The following ZNF426 variants were observed in gnomAD, a reference collection of about 807,000 sequenced individuals.
The protein encoded by ZNF426 is zinc finger protein 426.
ZNF426 carries 23 observed loss-of-function variants against 24.0 expected under a neutral mutation model. The ratio of observed to expected loss-of-function variants is 0.96; its 90% confidence interval spans 0.69 to 1.36. The LOEUF is 1.36. Ranked by LOEUF, ZNF426 falls within the 40% of genes most tolerant of loss-of-function variation. The probability of loss-of-function intolerance (pLI) is 0.00; values close to 1 mark genes in which losing one functional copy is unlikely to be tolerated. For synonymous variants in ZNF426, 272 were observed against 224.6 expected (o/e 1.21, Z -1.89); for missense variants, 646 against 658.4 (o/e 0.98, Z 0.21).
chr19:9,533,623 G>A (rs1433044295), intron 5 of ZNF426, among the ~76,000 whole-genome samples: 1 of 152,202 alleles, frequency 6.6e-6, no homozygotes, highest in Non-Finnish European at 1.5e-5. Context: ...TCTGGGTGGA[G>A]AAGGAAAATG....
rs1468862952 is a variant in ZNF426 at position 9,536,203 on chromosome 19, C to A, written c.25+5G>T. Reference sequence around the variant, plus strand: ...GGATATCCTAAAAAGAGCAACAGAGCTTACCATGGGACAAATCAGCAGCTG... The same window carrying A: ...GGATATCCTAAAAAGAGCAACAGAGATTACCATGGGACAAATCAGCAGCTG... On this transcript the variant is annotated splice_donor_5th_base_variant and intron_variant, in intron 3 of 7. Coordinates refer to ENST00000253115, the MANE Select transcript of ZNF426 (RefSeq NM_024106.3). 2 of 1,614,160 alleles carry A rather than the reference C, an allele frequency of 1.2e-6. No individual in the cohort carries two copies. Among genetic ancestry groups the A allele is most frequent in the East Asian group, 4.5e-5 (2 of 44,880 alleles).
In ZNF426 at chr19:9,524,762, C is replaced by T. The variant is rs1356191786; in HGVS notation, c.*3618G>A. The stretch of plus-strand genomic sequence containing the variant: ...AGCCATTGCACTCCAGCCTGGGCAA[C>T]AAGAGCAAAACTCTGCCTCAAAAAA... On this transcript the variant is annotated 3_prime_UTR_variant, in exon 8 of 8. Coordinates refer to ENST00000253115, the MANE Select transcript of ZNF426 (RefSeq NM_024106.3). The T allele has an allele frequency of 3.4e-5, 2 of 58,996 alleles. No individual in the cohort carries two copies. Among genetic ancestry groups the T allele is most frequent in the African/African-American group, 9.8e-5 (2 of 20,448 alleles). The allele number at this position is 58,996 out of a possible 1,614,324, so 3.7% of individuals were successfully genotyped here. A position where few individuals can be genotyped will look rare whatever the true frequency, so the allele number is the denominator to read the frequency against.
chr19:9,536,703 C>CCG, intron 2 of ZNF426: 3 of 208,914 alleles, frequency 1.4e-5, no homozygotes, highest in Admixed American at 1.1e-4. Flanking sequence ...ACACTCAAAT[C>CCG]AAATCTGCAT....
rs1174819672 is a variant in ZNF426 at position 9,536,348 on chromosome 19, T to C, written c.-116A>G. ...CTCCATTCCTCTTTAAACAGGGTTA[T>C]TGGGATTCCTGTTGGTATTAATCAA... On this transcript the variant is annotated 5_prime_UTR_variant, in exon 3 of 8. Transcript: ENST00000253115. 1.3e-6 allele frequency: 2 copies of C among 1,599,648 alleles called. No individual in the cohort carries two copies. The highest frequency in any genetic ancestry group is 1.3e-5 in the African/African-American group (1 of 74,750).
Position 9,533,964 on chromosome 19 carries a change from A to C in ZNF426, c.120T>G (p.Asp40Glu). The change falls in exon 5 of 8, where the codon GAT becomes GAG. Residue 40 changes from aspartate to glutamate, a missense_variant and splice_region_variant. By Grantham distance (45) the Asp-to-Glu change is conservative (BLOSUM62 2). Transcript: ENST00000253115. ...CAGCCACATCGTCAAAGGTCACTGA[A>C]TCCTAAAGCATCACACACATGCTGG... ...VADCLTDCYQ[D>E]SVTFDDVAVD... The C allele has an allele frequency of 1.9e-6, 3 of 1,612,928 alleles. No individual in the cohort carries two copies. The highest frequency in any genetic ancestry group is 2.5e-6 in the Non-Finnish European group (3 of 1,179,546).
Position 9,537,407 on chromosome 19 carries a change from C to T in ZNF426, c.-125+852G>A, listed in dbSNP as rs577190833. On this transcript the variant is annotated intron_variant, in intron 2 of 7. Coordinates refer to ENST00000253115, the MANE Select transcript of ZNF426 (RefSeq NM_024106.3). ...CTAGGGGTCCTAGGGCTGACTAGGCCCACAAATATTCAGTTTGGTGGCATC... is the reference window on the plus strand; with the variant it reads ...CTAGGGGTCCTAGGGCTGACTAGGCTCACAAATATTCAGTTTGGTGGCATC... Among the ~76,000 whole-genome samples, 23 of 151,884 alleles carry T rather than the reference C, an allele frequency of 1.5e-4. 1 individual carries two copies. The South Asian group carries it at 4.6e-3, about 30-fold the overall frequency.
rs1485260626 is a variant in ZNF426, at chr19:9,524,256, T to C, written c.*4124A>G. The C allele has an allele frequency of 1.3e-5, 2 of 152,314 alleles. No homozygotes were observed. Among genetic ancestry groups the C allele is most frequent in the East Asian group, 1.9e-4 (1 of 5,184 alleles). The allele number at this position is 152,314 out of a possible 1,614,324, so 9.4% of individuals were successfully genotyped here. A position where few individuals can be genotyped will look rare whatever the true frequency, so the allele number is the denominator to read the frequency against. ...TATGGATTAAATGAAGCCTTTCCCA[T>C]ATTTTCCATTTACATAGGGTTTCCT... On this transcript the variant is annotated 3_prime_UTR_variant, in exon 8 of 8. Transcript: ENST00000253115.
At chr19:9,534,083 C>T (rs1191403353) in intron 4 of ZNF426, 117 bp from the exon 5 acceptor site, 5 of 1,434,642 alleles carry the variant, frequency 3.5e-6, no homozygotes, top group Non-Finnish European at 4.7e-6. Context: ...CAGTGACCAG[C>T]CCCAGGTTTT....
At position 9,525,839 on chromosome 19, in the gene ZNF426, G is replaced by A. The variant is rs1037479283; in HGVS notation, c.*2541C>T. 4 of 151,826 alleles carry A rather than the reference G, an allele frequency of 2.6e-5. No individual in the cohort carries two copies. Among genetic ancestry groups the A allele is most frequent in the African/African-American group, 9.7e-5 (4 of 41,278 alleles). 9.4% of individuals were successfully genotyped at this position (151,826 alleles called of 1,614,324 possible). ...ACAGTGTCTCACTGTTTCCCAGGCT[G>A]GAGTGCAGTATCACAATCTCGGCTC... On this transcript the variant is annotated 3_prime_UTR_variant, in exon 8 of 8. Transcript: ENST00000253115.
Position 9,531,068 on chromosome 19 carries a change from C to T in ZNF426, c.326-1G>A, listed in dbSNP as rs1426277723. On this transcript the variant is annotated splice_acceptor_variant, in intron 6 of 7. Coordinates refer to ENST00000253115, the MANE Select transcript of ZNF426 (RefSeq NM_024106.3). LOFTEE classifies it high-confidence loss of function. ...TGGGTTTCAAGTCGCATTTCCCATC[C>T]TGAAATAAAACAGACAAACAAATAA... The T allele has an allele frequency of 3.7e-6, 6 of 1,613,288 alleles. No homozygotes were observed. Among genetic ancestry groups the T allele is most frequent in the Non-Finnish European group, 4.2e-6 (5 of 1,179,368 alleles).
chr19:9,532,338 C>T (rs1418186353), intron 6 of ZNF426, among the ~76,000 whole-genome samples: 3 of 148,254 alleles, frequency 2.0e-5, no homozygotes, highest in Non-Finnish European at 3.0e-5. Flanking sequence ...ACTCTATCAC[C>T]CAGGCTGGAG....
At chr19:9,536,414 T>C (rs753878186) in intron 2 of ZNF426, 58 bp from the exon 3 acceptor site, 14 of 1,477,390 alleles carry the variant, frequency 9.5e-6, no homozygotes, top group African/African-American at 4.2e-5. Context: ...ATCAAACATA[T>C]ACACCGGCTG....
At position 9,529,172 on chromosome 19, in the gene ZNF426, G is replaced by T. The variant is rs202102357; in HGVS notation, c.873C>A (p.Tyr291Ter). 7 of 1,614,164 alleles carry T rather than the reference G, an allele frequency of 4.3e-6. No individual in the cohort carries two copies. The highest frequency in any genetic ancestry group is 5.9e-6 in the Non-Finnish European group (7 of 1,180,030). The change falls in exon 8 of 8, where the codon TAC (tyrosine) becomes TAA (stop). Residue 291 changes from tyrosine to a stop codon, truncating the protein, a stop_gained. Transcript: ENST00000253115. LOFTEE classifies it low-confidence loss of function (END_TRUNC). ...GCATGTGAATACTGAGGTAGGCTGG[G>T]TATCTATAGCCTTTTCCACATTCCT... is the stretch of plus-strand genomic sequence containing the variant. ...KCKECGKGYR[Y>*]PAYLSIHMRT...
Position 9,536,269 on chromosome 19 carries a change from T to C in ZNF426, c.-37A>G, listed in dbSNP as rs757063397. The C allele has an allele frequency of 9.3e-6, 15 of 1,614,106 alleles. No individual in the cohort carries two copies. The highest frequency in any genetic ancestry group is 6.7e-5 in the East Asian group (3 of 44,902). ...AGAACGTGTCAGAACCCTCCTTTCA[T>C]TGATGTCACCATCACTTCAGGACAC... On this transcript the variant is annotated 5_prime_UTR_variant, in exon 3 of 8. An upstream start codon of the reference 5' UTR is lost. Coordinates refer to ENST00000253115, the MANE Select transcript of ZNF426 (RefSeq NM_024106.3).
intron 3 of ZNF426, 78 bp from the exon 4 acceptor site, chr19:9,535,357 T>C: frequency 1.0e-6 from 1 of 995,686 alleles, no homozygotes. Flanking sequence ...CATTACCTCC[T>C]AGTATGAAAT....
At chr19:9,535,125 G>A (rs2073945710) in intron 4 of ZNF426, 63 bp downstream of exon 4, 1 of 1,267,616 alleles carries the variant, frequency 7.9e-7, no homozygotes, top group Non-Finnish European at 1.1e-6. Context: ...TGCCTAGAGG[G>A]AAATGTGTCT....
chr19:9,529,322 T>C lies in ZNF426; in HGVS notation c.723A>G (p.Ala241=). ...KSFINESYLQ[A]HMRTHNGEKL... ...TTTCTCCATTGTGAGTTCTCATATG[T>C]GCCTGAAGGTATGACTCATTAATGA... Residue 241 remains alanine (A), a synonymous_variant, in exon 8 of 8, where the codon GCA becomes GCG. Transcript: ENST00000253115. 6.2e-7 allele frequency: 1 copy of C among 1,614,180 alleles called. No individual in the cohort carries two copies. Among genetic ancestry groups the C allele is most frequent in the Non-Finnish European group, 8.5e-7 (1 of 1,180,026 alleles).
chr19:9,529,317 A>AT lies in ZNF426; in HGVS notation c.727dup (p.Met243AsnfsTer21). On this transcript the variant is annotated frameshift_variant, in exon 8 of 8. Transcript: ENST00000253115. LOFTEE classifies it low-confidence loss of function (END_TRUNC). ...GAGTTTTTCTCCATTGTGAGTTCTC[A>AT]TATGTGCCTGAAGGTATGACTCATT... The AT allele has an allele frequency of 1.2e-6, 2 of 1,614,134 alleles. No homozygotes were observed. Among genetic ancestry groups the AT allele is most frequent in the Non-Finnish European group, 8.5e-7 (1 of 1,180,016 alleles).
intron 5 of ZNF426, 77 bp from the exon 6 acceptor site, chr19:9,533,002 G>C (rs1041738544): frequency 1.4e-5 from 17 of 1,233,210 alleles, no homozygotes; most frequent in Non-Finnish European, 1.8e-5. Flanking sequence ...AGGAACTACA[G>C]ATCTAATGAA....
Sources: allele counts gnomAD v4.1 joint callset (sites outside exome capture counted in the v4.1 genomes callset), GRCh38; gene constraint gnomAD v4.1.1; transcripts MANE v1.5; gene names NCBI Gene and HGNC (gene_info 2026-07-23, HGNC 2026-07-21).